TRANK1: variants seen among roughly 807,000 people sequenced by gnomAD.
The protein encoded by TRANK1 is TPR and ankyrin repeat-containing protein 1.
A neutral mutation model predicts 266.0 loss-of-function variants in TRANK1; 198 were observed. The ratio of observed to expected loss-of-function variants is 0.74; its 90% CI spans 0.66 to 0.84. The LOEUF (loss-of-function observed/expected upper bound fraction) is 0.84, where lower values mean the gene tolerates loss of function less well. Among genes scored for constraint, TRANK1 ranks in the 40% least tolerant of loss-of-function variants. The pLI is 0.00. For synonymous variants in TRANK1, 1,396 were observed against 1,384.1 expected (o/e 1.01, Z -0.19); for missense variants, 3,326 against 3,634.6 (o/e 0.92, Z 2.18).
intron 1 of TRANK1, among the ~76,000 whole-genome samples, chr3:36,941,105 G>T (rs2080490610): frequency 6.6e-6 from 1 of 152,194 alleles, no homozygotes; most frequent in Admixed American, 6.5e-5. Context: ...TTGCCCCAGT[G>T]AATGAAGATC....
chr3:36,909,366 T>TG (rs1377445952), intron 1 of TRANK1, among the ~76,000 whole-genome samples: 1 of 152,058 alleles, frequency 6.6e-6, no homozygotes, highest in African/African-American at 2.4e-5. Context: ...CCTGACCACA[T>TG]GGGGGGCCTT....
Position 36,831,342 on chromosome 3 carries a change from G to C in TRANK1, c.8241C>G (p.Val2747=), listed in dbSNP as rs533759323. ...RRRVGTQMER[V]REEAREPRAG... ...CCCTGGGCTCCCTGGCCTCCTCCCT[G>C]ACACGCTCCATCTGGGTGCCCACTC... Residue 2747 remains valine, a synonymous_variant, in exon 22 of 24, where the codon GTC becomes GTG. Transcript: ENST00000645898. The surrounding 1 kb of genome is among the most constrained non-coding windows in gnomAD (Gnocchi z 5.0). 1.9e-6 allele frequency: 3 copies of C among 1,613,320 alleles called. No homozygotes were observed. The highest frequency in any genetic ancestry group is 2.5e-6 in the Non-Finnish European group (3 of 1,179,710).
Position 36,838,606 on chromosome 3 carries a change from C to G in TRANK1, c.5384+7G>C. ...GAGCAAACCAGAAGTGATCCCAAGA[C>G]TCTTACTTGGGGCTGACTTTCTTGG... is the stretch of plus-strand genomic sequence containing the variant. On this transcript the variant is annotated splice_region_variant and intron_variant, in intron 19 of 23. Transcript: ENST00000645898. The G allele has an allele frequency of 6.2e-7, 1 of 1,613,950 alleles. No individual in the cohort carries two copies. The highest frequency in any genetic ancestry group is 8.5e-7 in the Non-Finnish European group (1 of 1,179,836).
chr3:36,850,020 C>T (rs188361248), intron 15 of TRANK1: 1 of 985,324 alleles, frequency 1.0e-6, no homozygotes, highest in Admixed American at 6.2e-5. Flanking sequence ...AGGTAAGACA[C>T]ATAACTGGAT....
intron 9 of TRANK1, among the ~76,000 whole-genome samples, chr3:36,870,958 A>G (rs2125569164): frequency 7.2e-6 from 1 of 138,544 alleles, no homozygotes; most frequent in East Asian, 2.4e-4. Context: ...TTATACAAGG[A>G]AACTAAAAAA....
chr3:36,857,710 G>A lies in TRANK1; in HGVS notation c.2012C>T (p.Thr671Ile), dbSNP rs1157746969. The A allele has an allele frequency of 9.9e-6, 16 of 1,613,908 alleles. No homozygotes were observed. The highest frequency in any genetic ancestry group is 1.3e-5 in the Non-Finnish European group (15 of 1,179,906). The change falls in exon 13 of 24, where the codon ACT (threonine) becomes ATT (isoleucine). Residue 671 changes from threonine to isoleucine, a missense_variant. By Grantham distance (89) the Thr-to-Ile change is moderately conservative (BLOSUM62 -1). Coordinates refer to ENST00000645898, the MANE Select transcript of TRANK1 (RefSeq NM_001329998.2). The surrounding 1 kb of genome is among the most constrained non-coding windows in gnomAD (Gnocchi z 4.3). The part of the protein sequence containing the change: ...AAHLGKLSKS[T>I]APGHTSQLKS... ...GAGCTGAGATGTGTGACCAGGGGCA[G>A]TGGACTTTGAGAGCTTCCCCAGGTG... is the stretch of plus-strand genomic sequence containing the variant.
Position 36,857,215 on chromosome 3 carries a change from A to G in TRANK1, c.2507T>C (p.Ile836Thr). 6.2e-7 allele frequency: 1 copy of G among 1,613,852 alleles called. No homozygotes were observed. The highest frequency in any genetic ancestry group is 8.5e-7 in the Non-Finnish European group (1 of 1,179,844). The change falls in exon 13 of 24, where the codon ATC becomes ACC. Residue 836 changes from isoleucine to threonine, a missense_variant. Ile to Thr is a moderately conservative substitution (Grantham distance 89). Transcript: ENST00000645898. This position sits in a 1 kb window ranked among gnomAD's most constrained non-coding sequence, Gnocchi z 4.3. The stretch of plus-strand genomic sequence containing the variant: ...CTTCAGCATTTCTGAAGTGCACTCG[A>G]TCTCCCAGGTCATGTTATCGAAGTC... ...LQDFDNMTWE[I>T]ECTSEMLKKL...
At chr3:36,836,968 C>T (rs2078778479) in intron 20 of TRANK1, among the ~76,000 whole-genome samples, 4 of 152,224 alleles carry the variant, frequency 2.6e-5, no homozygotes, top group Non-Finnish European at 5.9e-5. Context: ...CATGCTTGAA[C>T]AAAGCCCAGT....
chr3:36,945,579 C>A (rs2080562017), upstream of TRANK1, among the ~76,000 whole-genome samples: 1 of 152,184 alleles, frequency 6.6e-6, no homozygotes, highest in Non-Finnish European at 1.5e-5. Context: ...GCGCACAGGC[C>A]TGAGCAGGCA....
intron 5 of TRANK1, among the ~76,000 whole-genome samples, chr3:36,895,098 G>A (rs76641042): frequency 3.4e-4 from 52 of 152,322 alleles, no homozygotes; most frequent in Non-Finnish European, 5.7e-4. Flanking sequence ...GAAGTAATTA[G>A]CCCAAAATAG....
intron 1 of TRANK1, among the ~76,000 whole-genome samples, chr3:36,912,667 A>G (rs2080069010): frequency 6.6e-6 from 1 of 152,194 alleles, no homozygotes; most frequent in Non-Finnish European, 1.5e-5. Flanking sequence ...TCTGAAACAG[A>G]GCAGATCCAG....
At chr3:36,910,844 C>T (rs190913407) in intron 1 of TRANK1, among the ~76,000 whole-genome samples, 65 of 152,246 alleles carry the variant, frequency 4.3e-4, no homozygotes, top group South Asian at 1.9e-3. Context: ...CTGAGGCGGG[C>T]GGATCACCTG....
At position 36,860,975 on chromosome 3, in the gene TRANK1, T is replaced by C; in HGVS notation, c.1426A>G (p.Ile476Val). 1 of 1,537,726 alleles carries C rather than the reference T, an allele frequency of 6.5e-7. No individual in the cohort carries two copies. Among genetic ancestry groups the C allele is most frequent in the Non-Finnish European group, 8.7e-7 (1 of 1,147,026 alleles). Residue 476 changes from isoleucine (I) to valine (V), a missense_variant, in exon 11 of 24, where the codon ATC becomes GTC. Ile to Val is a conservative substitution (Grantham distance 29). Transcript: ENST00000645898. ...TCCCAGGTGCTGAGATGGGGGATGATGGTACAGATGTCGAGGTCTGAGAAG... is the reference window on the plus strand; with the variant it reads ...TCCCAGGTGCTGAGATGGGGGATGACGGTACAGATGTCGAGGTCTGAGAAG... The part of the protein sequence containing the change: ...CNFSDLDICT[I>V]IPHLSTWDQR...
At chr3:36,917,082 C>T (rs1429517078) in intron 1 of TRANK1, among the ~76,000 whole-genome samples, 1 of 152,122 alleles carries the variant, frequency 6.6e-6, no homozygotes, top group East Asian at 1.9e-4. Context: ...TCCCAAAGCA[C>T]TGAGATTACA....
At chr3:36,933,144 C>T (rs1242459053) in intron 1 of TRANK1, among the ~76,000 whole-genome samples, 2 of 151,564 alleles carry the variant, frequency 1.3e-5, no homozygotes, top group Non-Finnish European at 1.5e-5. Context: ...ATTGCAGACA[C>T]CCCTTCCCCT....
intron 2 of TRANK1, among the ~76,000 whole-genome samples, chr3:36,904,206 A>G (rs1240643077): frequency 6.6e-6 from 1 of 151,656 alleles, no homozygotes; most frequent in Non-Finnish European, 1.5e-5. Flanking sequence ...CGCCTGCCTC[A>G]GCTTCCCAAA....
chr3:36,929,050 T>C (rs2080326218), intron 1 of TRANK1, among the ~76,000 whole-genome samples: 1 of 152,022 alleles, frequency 6.6e-6, no homozygotes, highest in Non-Finnish European at 1.5e-5. Flanking sequence ...CAGGTGAGGC[T>C]TAAAGGATAA....
rs905865762 is a variant in TRANK1, at chr3:36,892,236, G to C, written c.741C>G (p.Pro247=). ...GASVETIGPY[P]LHALMRLCIQ... ...TACAGAGTCGCATGAGGGCATGAAGGGGATACGGTCCTATAGTCTCAACAC... is the reference window on the plus strand; with the variant it reads ...TACAGAGTCGCATGAGGGCATGAAGCGGATACGGTCCTATAGTCTCAACAC... Residue 247 remains proline (P), a synonymous_variant, in exon 7 of 24, where the codon CCC becomes CCG. Coordinates refer to ENST00000645898, the MANE Select transcript of TRANK1 (RefSeq NM_001329998.2). The C allele has an allele frequency of 4.6e-6, 7 of 1,537,014 alleles. No individual in the cohort carries two copies. The highest frequency in any genetic ancestry group is 1.4e-5 in the African/African-American group (1 of 73,022).
At chr3:36,866,038 GAC>G (rs2079214618) in intron 9 of TRANK1, among the ~76,000 whole-genome samples, 1 of 143,398 alleles carries the variant, frequency 7.0e-6, no homozygotes, top group Admixed American at 7.2e-5. Context: ...GAGAGAGAGA[GAC>G]AGACAGAAAG....
Sources: allele counts gnomAD v4.1 joint callset (sites outside exome capture counted in the v4.1 genomes callset), GRCh38; gene constraint gnomAD v4.1.1; non-coding constraint Gnocchi (gnomAD v3.1); transcripts MANE v1.5; gene names NCBI Gene and HGNC (gene_info 2026-07-23, HGNC 2026-07-21).